The following GTF2F2 variants were observed in gnomAD, a reference collection of about 807,000 sequenced individuals.
GTF2F2 encodes the protein general transcription factor IIF subunit 2, also known as ATP-dependent helicase GTF2F2.
Under a neutral mutation model 42.2 loss-of-function variants are expected in GTF2F2, and 23 were observed. That is an observed-to-expected ratio of 0.55 (90% CI 0.39 to 0.77). The LOEUF (loss-of-function observed/expected upper bound fraction) is 0.77, where lower values mean the gene tolerates loss of function less well. Among genes scored for constraint, GTF2F2 ranks in the 30% least tolerant of loss-of-function variants. The pLI is 0.00. For missense variants in GTF2F2, 261 were observed against 287.2 expected (o/e 0.91, Z 0.66); for synonymous variants, 105 against 100.8 (o/e 1.04, Z -0.25).
Position 45,260,407 on chromosome 13 carries a change from A to G in GTF2F2, c.487-6826A>G, listed in dbSNP as rs147112958. Among the ~76,000 whole-genome samples, 17 of 152,356 alleles carry G rather than the reference A, an allele frequency of 1.1e-4. No individual in the cohort carries two copies. In the East Asian group the frequency reaches 1.7e-3, roughly 16 times the overall value. ...TAAAGAAATAATTTCCTCCCAAGAG[A>G]TAATGACACACTAGGCAGAAATAGA... On this transcript the variant is annotated intron_variant, in intron 6 of 7. Coordinates refer to ENST00000340473, the MANE Select transcript of GTF2F2 (RefSeq NM_004128.3).
chr13:45,185,050 T>G (rs1872352018), intron 4 of GTF2F2, among the ~76,000 whole-genome samples: 1 of 152,154 alleles, frequency 6.6e-6, no homozygotes, highest in African/African-American at 2.4e-5. Flanking sequence ...CTTGAACTCC[T>G]GGGCTCAAGT....
chr13:45,207,635 G>A lies in GTF2F2; in HGVS notation c.386+130G>A, dbSNP rs1309966047. On this transcript the variant is annotated intron_variant, in intron 5 of 7. Transcript: ENST00000340473. ...GAGTGTTTGCTTCAAAAGCTGTTTG[G>A]TTTTAAAAGCAAGTAAGAGTTTCTT... 3 of 582,894 alleles carry A rather than the reference G, an allele frequency of 5.1e-6. No individual in the cohort carries two copies. The African/African-American group carries it at 5.6e-5, about 11-fold the overall frequency. The allele number at this position is 582,894 out of a possible 1,614,324, so 36.1% of individuals were successfully genotyped here.
Position 45,176,352 on chromosome 13 carries a change from T to C in GTF2F2, c.304+24521T>C, listed in dbSNP as rs192397163. ...AAAATCTTAACTGTTATGGTGAATT[T>C]GTAGTGATTTCTCACTGTGGTTTGA... On this transcript the variant is annotated intron_variant, in intron 4 of 7. Transcript: ENST00000340473. Among the ~76,000 whole-genome samples, 275 of 152,338 alleles carry C rather than the reference T, an allele frequency of 1.8e-3. 2 individuals are homozygous for C. Among genetic ancestry groups the C allele is most frequent in the African/African-American group, 6.3e-3 (262 of 41,584 alleles).
At chr13:45,236,975 A>G (rs754534123) in intron 5 of GTF2F2, among the ~76,000 whole-genome samples, 3 of 152,208 alleles carry the variant, frequency 2.0e-5, no homozygotes, top group Non-Finnish European at 4.4e-5. Flanking sequence ...TAATTTCAGG[A>G]GATGTTCCAA....
At chr13:45,222,239 A>G (rs1236325833) in intron 5 of GTF2F2, among the ~76,000 whole-genome samples, 1 of 152,124 alleles carries the variant, frequency 6.6e-6, no homozygotes, top group African/African-American at 2.4e-5. Flanking sequence ...GTTTATCATA[A>G]CCTTTTTAGC....
intron 4 of GTF2F2, among the ~76,000 whole-genome samples, chr13:45,161,801 C>A (rs1871051545): frequency 6.6e-6 from 1 of 152,224 alleles, no homozygotes; most frequent in South Asian, 2.1e-4. Context: ...CGAGATCATG[C>A]CATTGCACTC....
At chr13:45,201,840 G>T (rs535218964) in intron 4 of GTF2F2, among the ~76,000 whole-genome samples, 1 of 152,276 alleles carries the variant, frequency 6.6e-6, no homozygotes, top group South Asian at 2.1e-4. Context: ...GAAAAGATAT[G>T]AATTGAGCCA....
rs140189009 is a variant in GTF2F2 at position 45,151,783 on chromosome 13, C to G, written c.256C>G (p.Gln86Glu). ...SAPREHPFVL[Q>E]SVGGQTLTVF... is the part of the protein sequence containing the mutation. ...TCCTAGAGAACATCCATTTGTCTTGCAAAGTGTTGGAGGACAGACATTAAC... is the reference window on the plus strand; with the variant it reads ...TCCTAGAGAACATCCATTTGTCTTGGAAAGTGTTGGAGGACAGACATTAAC... The change falls in exon 4 of 8, where the codon CAA (glutamine) becomes GAA (glutamate). Residue 86 changes from glutamine to glutamate, a missense_variant. Transcript: ENST00000340473. 76 of 1,585,466 alleles carry G rather than the reference C, an allele frequency of 4.8e-5. No individual in the cohort carries two copies. The African/African-American group carries it at 1.0e-3, about 21-fold the overall frequency.
intron 4 of GTF2F2, among the ~76,000 whole-genome samples, chr13:45,168,908 C>CCTCCT (rs1175672427): frequency 1.0e-4 from 12 of 114,566 alleles, no homozygotes; most frequent in Admixed American, 3.4e-4. Flanking sequence ...TCCCTCCCTC[C>CCTCCT]TCCTTCCTTC....
intron 7 of GTF2F2, among the ~76,000 whole-genome samples, chr13:45,274,795 T>TGG (rs1876957630): frequency 1.3e-5 from 2 of 151,866 alleles, no homozygotes; most frequent in Non-Finnish European, 2.9e-5. Context: ...ACACAAAAAT[T>TGG]AGCCAGGCAT....
intron 7 of GTF2F2, among the ~76,000 whole-genome samples, chr13:45,270,145 A>T (rs199504100): frequency 1.3e-5 from 2 of 152,112 alleles, no homozygotes; most frequent in East Asian, 3.9e-4. Context: ...CTTCATTTCT[A>T]TAAGTAAAAT....
At chr13:45,260,466 A>T (rs182071276) in intron 6 of GTF2F2, among the ~76,000 whole-genome samples, 1 of 152,234 alleles carries the variant, frequency 6.6e-6, no homozygotes, top group African/African-American at 2.4e-5. Context: ...ATAATATCTC[A>T]TAAGGATTTA....
At chr13:45,179,310 G>T (rs1440096919) in intron 4 of GTF2F2, among the ~76,000 whole-genome samples, 2 of 152,160 alleles carry the variant, frequency 1.3e-5, no homozygotes. Flanking sequence ...CTTTGATGGG[G>T]TATCCAGGGA....
intron 4 of GTF2F2, among the ~76,000 whole-genome samples, chr13:45,181,671 A>C (rs193006653): frequency 4.3e-4 from 65 of 152,276 alleles, no homozygotes; most frequent in African/African-American, 1.6e-3. Flanking sequence ...TATTTCGGCT[A>C]TATAAGCCAA....
intron 6 of GTF2F2, among the ~76,000 whole-genome samples, chr13:45,256,472 C>A (rs1369711797): frequency 6.6e-6 from 1 of 151,972 alleles, no homozygotes; most frequent in East Asian, 1.9e-4. Flanking sequence ...AGATATCAAC[C>A]TTTGTTAAGG....
chr13:45,253,046 A>T, intron 6 of GTF2F2, 76 bp downstream of exon 6: 1 of 621,834 alleles, frequency 1.6e-6, no homozygotes, highest in Non-Finnish European at 2.7e-6. Context: ...TAGGTTTCCA[A>T]AGAACCTGAG....
chr13:45,230,710 G>A (rs1406135198), intron 5 of GTF2F2, among the ~76,000 whole-genome samples: 2 of 152,208 alleles, frequency 1.3e-5, no homozygotes, highest in African/African-American at 4.8e-5. Flanking sequence ...TACATGTCAT[G>A]TAATTATAAC....
intron 4 of GTF2F2, among the ~76,000 whole-genome samples, chr13:45,166,080 C>T (rs1871286834): frequency 6.6e-6 from 1 of 152,094 alleles, no homozygotes; most frequent in African/African-American, 2.4e-5. Context: ...TCTCAAAGTG[C>T]TGGGATTACA....
At chr13:45,274,449 C>T (rs1254857339) in intron 7 of GTF2F2, among the ~76,000 whole-genome samples, 2 of 151,438 alleles carry the variant, frequency 1.3e-5, no homozygotes, top group African/African-American at 2.4e-5. Context: ...GCCTCAGCCT[C>T]CCGAGTAGCT....
Sources: allele counts gnomAD v4.1 joint callset (sites outside exome capture counted in the v4.1 genomes callset), GRCh38; gene constraint gnomAD v4.1.1; transcripts MANE v1.5; gene names NCBI Gene and HGNC (gene_info 2026-07-23, HGNC 2026-07-21).